The following CCDC85A variants were observed in gnomAD, a reference collection of about 807,000 sequenced individuals.
CCDC85A encodes the protein coiled-coil domain-containing protein 85A.
A neutral mutation model predicts 50.2 loss-of-function variants in CCDC85A; 38 were observed. That is an observed-to-expected ratio of 0.76 (90% CI 0.58 to 0.99). CCDC85A has a LOEUF of 0.99. Ranked by LOEUF, CCDC85A falls within the 50% of genes least tolerant of loss-of-function variation. CCDC85A has a pLI of 0.00. For missense variants in CCDC85A, 820 were observed against 742.0 expected (o/e 1.11, Z -1.22); for synonymous variants, 366 against 301.4 (o/e 1.21, Z -2.22).
At chr2:56,196,230 A>G (rs1276956131) in intron 2 of CCDC85A, among the ~76,000 whole-genome samples, 1 of 152,218 alleles carries the variant, frequency 6.6e-6, no homozygotes, top group East Asian at 1.9e-4. Flanking sequence ...CAAATCTCCA[A>G]ACTAAACAAA....
intron 2 of CCDC85A, among the ~76,000 whole-genome samples, chr2:56,229,706 CA>C (rs1315571426): frequency 6.6e-6 from 1 of 151,952 alleles, no homozygotes; most frequent in African/African-American, 2.4e-5. Flanking sequence ...GAAGCATAGT[CA>C]AAACAGCCGG....
intron 2 of CCDC85A, among the ~76,000 whole-genome samples, chr2:56,208,426 G>T (rs1329253258): frequency 6.6e-6 from 1 of 152,130 alleles, no homozygotes; most frequent in African/African-American, 2.4e-5. Flanking sequence ...ACTCACTGAA[G>T]ATATAGTTCC....
chr2:56,338,967 C>T (rs1674220547), intron 2 of CCDC85A, among the ~76,000 whole-genome samples: 1 of 151,978 alleles, frequency 6.6e-6, no homozygotes, highest in South Asian at 2.1e-4. Context: ...TGTTTTACCC[C>T]CAGGAAGAGT....
At chr2:56,212,911 G>C (rs1334585523) in intron 2 of CCDC85A, among the ~76,000 whole-genome samples, 1 of 151,962 alleles carries the variant, frequency 6.6e-6, no homozygotes, top group African/African-American at 2.4e-5. Flanking sequence ...GTTAATAGTG[G>C]CTGTTGATAA....
At chr2:56,355,495 G>A (rs1283487754) in intron 3 of CCDC85A, among the ~76,000 whole-genome samples, 3 of 152,118 alleles carry the variant, frequency 2.0e-5, no homozygotes, top group African/African-American at 7.2e-5. Flanking sequence ...TGTGATTTCA[G>A]AAATGCTTAA....
intron 2 of CCDC85A, among the ~76,000 whole-genome samples, chr2:56,217,206 A>C (rs900834593): frequency 6.6e-6 from 1 of 151,912 alleles, no homozygotes; most frequent in East Asian, 1.9e-4. Flanking sequence ...TATTGCTACC[A>C]AATGATCACA....
At chr2:56,329,836 G>A (rs563473792) in intron 2 of CCDC85A, among the ~76,000 whole-genome samples, 2 of 151,476 alleles carry the variant, frequency 1.3e-5, no homozygotes, top group African/African-American at 4.8e-5. Flanking sequence ...CCATACATGG[G>A]CTTTTAAAAG....
Position 56,385,470 on chromosome 2 carries a change from G to A in CCDC85A, c.*1115G>A, listed in dbSNP as rs1175397894. On this transcript the variant is annotated 3_prime_UTR_variant, in exon 6 of 6. Coordinates refer to ENST00000407595, the MANE Select transcript of CCDC85A (RefSeq NM_001080433.2). ...ATACATATATATAACATTAGAATGTGTGTACTGGAAATGCTATGATAGGTA... is the reference window on the plus strand; with the variant it reads ...ATACATATATATAACATTAGAATGTATGTACTGGAAATGCTATGATAGGTA... 6.6e-6 allele frequency: 1 copy of A among 152,136 alleles called. No homozygotes were observed. 9.4% of individuals were successfully genotyped at this position (152,136 alleles called of 1,614,324 possible). A position where few individuals can be genotyped will look rare whatever the true frequency, so the allele number is the denominator to read the frequency against.
At chr2:56,322,765 A>G (rs1673268744) in intron 2 of CCDC85A, among the ~76,000 whole-genome samples, 2 of 152,268 alleles carry the variant, frequency 1.3e-5, no homozygotes, top group Middle Eastern at 3.4e-3. Flanking sequence ...AACTAGAAAT[A>G]CCATATGACC....
chr2:56,278,943 A>C (rs1671082848), intron 2 of CCDC85A, among the ~76,000 whole-genome samples: 1 of 152,206 alleles, frequency 6.6e-6, no homozygotes, highest in Admixed American at 6.5e-5. Context: ...TTAGGGATCA[A>C]CAGGAGGCAC....
At chr2:56,241,898 C>G (rs569872067) in intron 2 of CCDC85A, among the ~76,000 whole-genome samples, 2 of 152,246 alleles carry the variant, frequency 1.3e-5, no homozygotes, top group South Asian at 4.2e-4. Context: ...TTTTGAGGAA[C>G]CTCCAAATTG....
chr2:56,353,403 G>C (rs960288515), intron 3 of CCDC85A, among the ~76,000 whole-genome samples: 2 of 152,166 alleles, frequency 1.3e-5, no homozygotes, highest in East Asian at 3.9e-4. Flanking sequence ...TGTGATAAAG[G>C]CTTGTGGATT....
intron 2 of CCDC85A, among the ~76,000 whole-genome samples, chr2:56,303,011 G>C (rs1672277891): frequency 6.6e-6 from 1 of 152,160 alleles, no homozygotes; most frequent in East Asian, 1.9e-4. Flanking sequence ...CATGAAGCAG[G>C]TCGAGCCAGG....
chr2:56,258,111 G>A (rs1368935298), intron 2 of CCDC85A, among the ~76,000 whole-genome samples: 5 of 152,232 alleles, frequency 3.3e-5, no homozygotes, highest in African/African-American at 1.2e-4. Context: ...ATTGGCTTCC[G>A]AGTAGGGAGT....
intron 2 of CCDC85A, among the ~76,000 whole-genome samples, chr2:56,219,982 G>A (rs983960655): frequency 5.3e-5 from 8 of 151,962 alleles, no homozygotes; most frequent in African/African-American, 1.9e-4. Flanking sequence ...CAAAGAGTAG[G>A]AGGTGACCAA....
intron 3 of CCDC85A, among the ~76,000 whole-genome samples, chr2:56,368,512 C>T (rs1168194817): frequency 1.3e-5 from 2 of 152,040 alleles, no homozygotes; most frequent in Admixed American, 1.3e-4. Context: ...ATTTATCCTC[C>T]CCCTTAAACT....
chr2:56,323,911 G>C (rs910776057), intron 2 of CCDC85A, among the ~76,000 whole-genome samples: 1 of 152,060 alleles, frequency 6.6e-6, no homozygotes, highest in African/African-American at 2.4e-5. Context: ...CAAGTGAATT[G>C]TTATTTAGGG....
chr2:56,215,811 C>T (rs180972098), intron 2 of CCDC85A, among the ~76,000 whole-genome samples: 3 of 151,878 alleles, frequency 2.0e-5, no homozygotes, highest in East Asian at 1.9e-4. Context: ...CAGTAGGCCA[C>T]ATTTAGCCTG....
At chr2:56,224,717 C>G (rs574825737) in intron 2 of CCDC85A, among the ~76,000 whole-genome samples, 1 of 152,218 alleles carries the variant, frequency 6.6e-6, no homozygotes, top group Non-Finnish European at 1.5e-5. Context: ...TGTTGAGCAT[C>G]CTTTCATGTG....
Sources: allele counts gnomAD v4.1 joint callset (sites outside exome capture counted in the v4.1 genomes callset), GRCh38; gene constraint gnomAD v4.1.1; transcripts MANE v1.5; gene names NCBI Gene and HGNC (gene_info 2026-07-23, HGNC 2026-07-21).